Variants in KIF13A observed in about 807,000 individuals in gnomAD.
The protein encoded by KIF13A is kinesin-like protein KIF13A.
KIF13A carries 79 observed loss-of-function variants against 212.2 expected under a neutral mutation model. That is an observed-to-expected ratio of 0.37 (90% confidence interval 0.31 to 0.45). The LOEUF is 0.45. Ranked by LOEUF, KIF13A falls within the 20% of genes least tolerant of loss-of-function variation. The pLI, the probability that KIF13A is intolerant of heterozygous loss-of-function variation, is 1.00. For synonymous variants in KIF13A, 789 were observed against 808.6 expected (o/e 0.98, Z 0.41); for missense variants, 1,901 against 2,209.0 (o/e 0.86, Z 2.79).
rs78405735 is a variant in KIF13A at position 17,976,801 on chromosome 6, C to A, written c.146+10253G>T. 5.6e-3 allele frequency among the ~76,000 whole-genome samples: 552 copies of A among 98,512 alleles called. 5 individuals are homozygous for A. The highest frequency in any genetic ancestry group is 0.017 in the African/African-American group (451 of 27,264). The allele number at this position is 98,512 out of a possible 152,430, so 64.6% of individuals were successfully genotyped here. Reference sequence around the variant, plus strand: ...TGGGCAACAGAGCAAGACTCCATCTCAAAAAAAAAAAAAAAAAAGAGGCTG... The same window carrying A: ...TGGGCAACAGAGCAAGACTCCATCTAAAAAAAAAAAAAAAAAAAGAGGCTG... On this transcript the variant is annotated intron_variant, in intron 2 of 38. Coordinates refer to ENST00000259711, the MANE Select transcript of KIF13A (RefSeq NM_022113.6).
chr6:17,986,916 A>T, intron 2 of KIF13A, 138 bp downstream of exon 2: 1 of 603,620 alleles, frequency 1.7e-6, no homozygotes, highest in Non-Finnish European at 3.0e-6. Flanking sequence ...GACTTGCAAC[A>T]GCTTCAAACA....
In KIF13A at chr6:17,764,215, C is replaced by G. The variant is rs764175933; in HGVS notation, c.5313G>C (p.Lys1771Asn). Residue 1771 changes from lysine to asparagine, a missense_variant, in exon 39 of 39, where the codon AAG (lysine) becomes AAC (asparagine). Around this residue, in one of 5 missense-constraint regions of KIF13A, gnomAD observed 687 missense variants for 759.1 expected, o/e 0.90. Transcript: ENST00000259711. This position sits in a 1 kb window ranked among gnomAD's most constrained non-coding sequence, Gnocchi z 5.1. ...RRSLPNKTGG[K>N]TVSDGLHHPS... ...GGTGGTGGAGCCCATCGGAGACAGT[C>G]TTGCCGCCTGTTTTATTTGGTAGAC... 1 of 1,614,032 alleles carries G rather than the reference C, an allele frequency of 6.2e-7. No homozygotes were observed. Among genetic ancestry groups the G allele is most frequent in the Admixed American group, 1.7e-5 (1 of 60,032 alleles).
Position 17,794,173 on chromosome 6 carries a change from T to C in KIF13A, c.3222+76A>G. The C allele has an allele frequency of 8.6e-7, 1 of 1,162,018 alleles. No homozygotes were observed. Among genetic ancestry groups the C allele is most frequent in the Non-Finnish European group, 1.2e-6 (1 of 808,166 alleles). The allele number at this position is 1,162,018 out of a possible 1,614,324, so 72.0% of individuals were successfully genotyped here. ...ACGGTTAAGGCAAAGAGTTCTGTTA[T>C]ATTGGCAAAGAGGTCCCCCTGGGAC... On this transcript the variant is annotated intron_variant, in intron 25 of 38. Transcript: ENST00000259711. The surrounding 1 kb of genome is among the most constrained non-coding windows in gnomAD (Gnocchi z 4.1).
intron 25 of KIF13A, among the ~76,000 whole-genome samples, chr6:17,793,552 CA>C (rs1308332533): frequency 1.3e-5 from 2 of 151,526 alleles, no homozygotes; most frequent in African/African-American, 4.8e-5. Flanking sequence ...CAAATTTTAA[CA>C]AAAAAAGAAG....
intron 3 of KIF13A, among the ~76,000 whole-genome samples, chr6:17,875,289 G>A (rs953105749): frequency 1.3e-5 from 2 of 151,836 alleles, no homozygotes; most frequent in Non-Finnish European, 2.9e-5. Flanking sequence ...AGTGTTCCCT[G>A]TTGACCGCAT....
At position 17,883,141 on chromosome 6, in the gene KIF13A, C is replaced by A. The variant is rs1771230866; in HGVS notation, c.160-9704G>T. Among the ~76,000 whole-genome samples the A allele has an allele frequency of 6.6e-6, 1 of 152,134 alleles. No individual in the cohort carries two copies. Among genetic ancestry groups the A allele is most frequent in the Non-Finnish European group, 1.5e-5 (1 of 68,028 alleles). On this transcript the variant is annotated intron_variant, in intron 3 of 38. Transcript: ENST00000259711. The surrounding 1 kb of genome is among the most constrained non-coding windows in gnomAD (Gnocchi z 4.8). ...TTGAGAGGCTGAGACTGAAGGATCA[C>A]TTGAAGCCAAGAGTTCAAGACCAGC...
In KIF13A at chr6:17,781,201, G is replaced by T; in HGVS notation, c.3645C>A (p.Pro1215=). 6.2e-7 allele frequency: 1 copy of T among 1,613,872 alleles called. No homozygotes were observed. Among genetic ancestry groups the T allele is most frequent in the African/African-American group, 1.3e-5 (1 of 75,018 alleles). The change falls in exon 30 of 39, where the codon CCC becomes CCA. Residue 1215 remains proline, a synonymous_variant. Coordinates refer to ENST00000259711, the MANE Select transcript of KIF13A (RefSeq NM_022113.6). ...CCTCATCATCACTGTGCTTTATGAT[G>T]GGCAGGTAGAAAAACTGGCTGCCAT... The part of the protein sequence containing the change: ...KEHGSQFFYL[P]IIKHSDDEVS...
At chr6:17,924,722 G>A (rs1365003978) in intron 2 of KIF13A, among the ~76,000 whole-genome samples, 2 of 152,178 alleles carry the variant, frequency 1.3e-5, no homozygotes, top group African/African-American at 2.4e-5. Flanking sequence ...ATGAGAAGGG[G>A]CAAGACAGAG....
At chr6:17,924,535 G>T (rs527805028) in intron 2 of KIF13A, among the ~76,000 whole-genome samples, 1 of 152,094 alleles carries the variant, frequency 6.6e-6, no homozygotes, top group Non-Finnish European at 1.5e-5. Flanking sequence ...AATAGGACTC[G>T]CAGGAAAAAT....
Position 17,855,256 on chromosome 6 carries a change from T to C in KIF13A, c.494+181A>G, listed in dbSNP as rs1286655920. On this transcript the variant is annotated intron_variant, in intron 6 of 38. Transcript: ENST00000259711. This position sits in a 1 kb window ranked among gnomAD's most constrained non-coding sequence, Gnocchi z 4.1. ...ATACATAGGCAACTTTATACATTAA[T>C]GTAGGATAAACACTGGGTATACCAA... Among the ~76,000 whole-genome samples the C allele has an allele frequency of 6.6e-6, 1 of 152,230 alleles. No individual in the cohort carries two copies. The highest frequency in any genetic ancestry group is 1.5e-5 in the Non-Finnish European group (1 of 68,044).
chr6:17,777,133 C>A lies in KIF13A; in HGVS notation c.4170+144G>T, dbSNP rs1220879084. 9 of 668,510 alleles carry A rather than the reference C, an allele frequency of 1.3e-5. No homozygotes were observed. The highest frequency in any genetic ancestry group is 2.2e-5 in the Non-Finnish European group (8 of 368,224). 41.4% of individuals were successfully genotyped at this position (668,510 alleles called of 1,614,324 possible). On this transcript the variant is annotated intron_variant, in intron 34 of 38. Coordinates refer to ENST00000259711, the MANE Select transcript of KIF13A (RefSeq NM_022113.6). This position sits in a 1 kb window ranked among gnomAD's most constrained non-coding sequence, Gnocchi z 4.4. ...GACAACTGTGCTGCCTGGTGTGTGTCCCTGGTACAGAGAAGCAGGCTACAC... is the reference window on the plus strand; with the variant it reads ...GACAACTGTGCTGCCTGGTGTGTGTACCTGGTACAGAGAAGCAGGCTACAC...
chr6:17,975,393 T>C (rs981120137), intron 2 of KIF13A, among the ~76,000 whole-genome samples: 1 of 152,138 alleles, frequency 6.6e-6, no homozygotes, highest in African/African-American at 2.4e-5. Flanking sequence ...AATCTTAAGT[T>C]GGCGCGTCTG....
intron 16 of KIF13A, chr6:17,821,869 G>T: frequency 1.3e-6 from 2 of 1,535,274 alleles, no homozygotes; most frequent in South Asian, 2.4e-5. Context: ...CCAAGGGGAT[G>T]ACCACCAGGC....
chr6:17,944,245 CCT>C (rs1286335800), intron 2 of KIF13A, among the ~76,000 whole-genome samples: 1 of 152,132 alleles, frequency 6.6e-6, no homozygotes, highest in East Asian at 1.9e-4. Flanking sequence ...AAAACTTCAC[CCT>C]GTTTTCTGAG....
In KIF13A at chr6:17,777,954, T is replaced by C. The variant is rs911645664; in HGVS notation, c.4093-600A>G. On this transcript the variant is annotated intron_variant, in intron 33 of 38. Transcript: ENST00000259711. The surrounding 1 kb of genome is among the most constrained non-coding windows in gnomAD (Gnocchi z 4.4). ...GGAGTTCGAGACCAGCTGGCCAACA[T>C]GGTAAAACCCTGTTTCTACTAAAAA... Among the ~76,000 whole-genome samples the C allele has an allele frequency of 5.9e-5, 9 of 151,958 alleles. No individual in the cohort carries two copies. Among genetic ancestry groups the C allele is most frequent in the Non-Finnish European group, 1.3e-4 (9 of 67,990 alleles).
rs6906399 is a variant in KIF13A, at chr6:17,811,009, A to G, written c.2001-2079T>C. 0.016 allele frequency among the ~76,000 whole-genome samples: 2,486 copies of G among 152,312 alleles called. 78 individuals are homozygous for G. Among genetic ancestry groups the G allele is most frequent in the African/African-American group, 0.056 (2,326 of 41,552 alleles). On this transcript the variant is annotated intron_variant, in intron 17 of 38. Transcript: ENST00000259711. The surrounding 1 kb of genome is among the most constrained non-coding windows in gnomAD (Gnocchi z 6.0). ...GGGGACCCCTGTTCTAGACTACACG[A>G]AACAGTTCTTTTGCAGTCTCCCAAA...
In KIF13A at chr6:17,962,392, A is replaced by G. The variant is rs138819532; in HGVS notation, c.146+24662T>C. 6.5e-4 allele frequency among the ~76,000 whole-genome samples: 99 copies of G among 152,298 alleles called. 2 individuals carry two copies. The East Asian group carries it at 0.018, about 27-fold the overall frequency. ...CATAAAAGGTCAAGCTTTTGCTGCA[A>G]AGGCTGAGGAGAAGAAGCAATAAGT... is the stretch of plus-strand genomic sequence containing the variant. On this transcript the variant is annotated intron_variant, in intron 2 of 38. Transcript: ENST00000259711.
intron 2 of KIF13A, among the ~76,000 whole-genome samples, chr6:17,966,121 G>A (rs1340682216): frequency 6.6e-6 from 1 of 152,168 alleles, no homozygotes; most frequent in East Asian, 1.9e-4. Context: ...TTGAACCCGG[G>A]AGGCAAAGGT....
intron 26 of KIF13A, among the ~76,000 whole-genome samples, chr6:17,788,377 T>C (rs374941628): frequency 6.6e-6 from 1 of 152,106 alleles, no homozygotes; most frequent in Non-Finnish European, 1.5e-5. Context: ...GCCACAAACA[T>C]TTTACTTCCA....
Sources: allele counts gnomAD v4.1 joint callset (sites outside exome capture counted in the v4.1 genomes callset), GRCh38; gene constraint gnomAD v4.1.1; regional missense constraint gnomAD v4.1.1; non-coding constraint Gnocchi (gnomAD v3.1); transcripts MANE v1.5; gene names NCBI Gene and HGNC (gene_info 2026-07-23, HGNC 2026-07-21).